Variants in KCNIP4 observed in about 807,000 individuals in gnomAD.
KCNIP4 encodes the protein Kv channel-interacting protein 4.
Under a neutral mutation model 34.0 loss-of-function variants are expected in KCNIP4, and 12 were observed. The ratio of observed to expected loss-of-function variants is 0.35; its 90% confidence interval spans 0.23 to 0.57. KCNIP4 has a LOEUF of 0.57. KCNIP4 is among the 20% of genes least tolerant of loss of function. The probability of loss-of-function intolerance (pLI) is 0.83; values close to 1 mark genes in which losing one functional copy is unlikely to be tolerated. For synonymous variants in KCNIP4, 124 were observed against 102.2 expected, an observed-to-expected ratio of 1.21 and a Z score of -1.29; for missense variants, 238 against 311.7, an observed-to-expected ratio of 0.76 and a Z score of 1.78.
At chr4:21,856,001 C>G (rs1724730268) in intron 1 of KCNIP4, among the ~76,000 whole-genome samples, 1 of 152,198 alleles carries the variant, frequency 6.6e-6, no homozygotes, top group South Asian at 2.1e-4. Context: ...ACAGTTCTAG[C>G]AGTTCTAGGC....
chr4:21,822,187 A>T (rs890100215), intron 1 of KCNIP4, among the ~76,000 whole-genome samples: 1 of 152,222 alleles, frequency 6.6e-6, no homozygotes, highest in Non-Finnish European at 1.5e-5. Flanking sequence ...GACATAAAAT[A>T]GAACAAATAA....
At chr4:21,010,202 A>C (rs2149730803) in intron 1 of KCNIP4, among the ~76,000 whole-genome samples, 1 of 152,346 alleles carries the variant, frequency 6.6e-6, no homozygotes, top group African/African-American at 2.4e-5. Context: ...ACAATGAAAA[A>C]GCACAAGGCG....
chr4:21,783,913 C>G (rs1047399380), intron 1 of KCNIP4, among the ~76,000 whole-genome samples: 2 of 151,952 alleles, frequency 1.3e-5, no homozygotes, highest in African/African-American at 2.4e-5. Flanking sequence ...CATTATTTGA[C>G]CAAAAATATT....
At chr4:21,075,701 T>C (rs899056919) in intron 1 of KCNIP4, among the ~76,000 whole-genome samples, 6 of 152,198 alleles carry the variant, frequency 3.9e-5, no homozygotes, top group African/African-American at 1.2e-4. Flanking sequence ...GCTGGTTGTT[T>C]TGCTCATTAG....
At chr4:20,905,660 T>G (rs35629327) in intron 1 of KCNIP4, among the ~76,000 whole-genome samples, 18,093 of 151,540 alleles carry the variant, frequency 0.12, 1,176 homozygotes, top group South Asian at 0.24. Context: ...TACAGACATG[T>G]GTCACAACGC....
chr4:20,912,314 TAG>T (rs1308658821), intron 1 of KCNIP4, among the ~76,000 whole-genome samples: 2 of 151,988 alleles, frequency 1.3e-5, no homozygotes, highest in Non-Finnish European at 2.9e-5. Flanking sequence ...CACAAAAAAT[TAG>T]AGATAAAAAA....
intron 1 of KCNIP4, among the ~76,000 whole-genome samples, chr4:21,505,781 T>G (rs1733798126): frequency 6.6e-6 from 1 of 152,146 alleles, no homozygotes; most frequent in East Asian, 1.9e-4. Flanking sequence ...CTTTTCTCAC[T>G]AAATCCATTT....
chr4:21,065,352 T>C (rs1744258455), intron 1 of KCNIP4, among the ~76,000 whole-genome samples: 2 of 152,082 alleles, frequency 1.3e-5, no homozygotes, highest in Admixed American at 6.6e-5. Context: ...AGAACCTAGA[T>C]GTTGGCAGAT....
At chr4:21,085,139 G>A (rs927047560) in intron 1 of KCNIP4, among the ~76,000 whole-genome samples, 9 of 152,026 alleles carry the variant, frequency 5.9e-5, no homozygotes, top group Non-Finnish European at 2.9e-5. Flanking sequence ...TGTGGAGGTG[G>A]GATCTTTGGG....
intron 1 of KCNIP4, among the ~76,000 whole-genome samples, chr4:21,236,020 C>G (rs748919301): frequency 3.3e-5 from 5 of 152,216 alleles, no homozygotes; most frequent in African/African-American, 1.2e-4. Context: ...CCTTGCTGGG[C>G]ACGGTGGCTC....
chr4:20,774,140 G>A lies in KCNIP4; in HGVS notation c.289-15250C>T, dbSNP rs374206556. Among the ~76,000 whole-genome samples the A allele has an allele frequency of 2.6e-5, 4 of 152,258 alleles. 1 individual carries two copies. The highest frequency in any genetic ancestry group is 1.9e-4 in the East Asian group (1 of 5,172). On this transcript the variant is annotated intron_variant, in intron 3 of 8. Coordinates refer to ENST00000382152, the MANE Select transcript of KCNIP4 (RefSeq NM_025221.6). Reference sequence around the variant, plus strand: ...ATGCACAATGTCTAGCGTCGTGCCTGGATGTATAAACACCCAGTACACATT... The same window carrying A: ...ATGCACAATGTCTAGCGTCGTGCCTAGATGTATAAACACCCAGTACACATT...
intron 1 of KCNIP4, among the ~76,000 whole-genome samples, chr4:21,393,576 T>C (rs1722734848): frequency 2.0e-5 from 3 of 152,180 alleles, no homozygotes; most frequent in Admixed American, 2.0e-4. Context: ...TGATATCCAT[T>C]AGCACCTTGG....
chr4:21,000,017 T>C (rs1391970837), intron 1 of KCNIP4, among the ~76,000 whole-genome samples: 1 of 152,178 alleles, frequency 6.6e-6, no homozygotes, highest in African/African-American at 2.4e-5. Context: ...TGAGAATATG[T>C]GCCATGTGAG....
chr4:21,935,304 A>T (rs1161907701), intron 1 of KCNIP4, among the ~76,000 whole-genome samples: 1 of 152,028 alleles, frequency 6.6e-6, no homozygotes, highest in African/African-American at 2.4e-5. Context: ...TTTACATCAG[A>T]CAAGAGGACT....
intron 1 of KCNIP4, among the ~76,000 whole-genome samples, chr4:21,010,464 C>A (rs1738971010): frequency 6.6e-6 from 1 of 152,118 alleles, no homozygotes; most frequent in African/African-American, 2.4e-5. Context: ...AAAATGCCTG[C>A]AGACTTTGTG....
At chr4:21,021,160 T>C (rs907046483) in intron 1 of KCNIP4, among the ~76,000 whole-genome samples, 1 of 152,224 alleles carries the variant, frequency 6.6e-6, no homozygotes, top group East Asian at 1.9e-4. Flanking sequence ...GACACAATTT[T>C]AAGTATTTGT....
At chr4:21,402,041 T>C (rs1723602368) in intron 1 of KCNIP4, among the ~76,000 whole-genome samples, 2 of 152,208 alleles carry the variant, frequency 1.3e-5, no homozygotes, top group African/African-American at 2.4e-5. Flanking sequence ...TCCTATTAAC[T>C]TGAATGAGGC....
rs867491967 is a variant in KCNIP4 at position 20,836,938 on chromosome 4, C to A, written c.288+13605G>T. 9.9e-5 allele frequency among the ~76,000 whole-genome samples: 15 copies of A among 151,850 alleles called. No homozygotes were observed. The South Asian group carries it at 2.9e-3, about 30-fold the overall frequency. On this transcript the variant is annotated intron_variant, in intron 3 of 8. Transcript: ENST00000382152. ...TAATTCTTTGCTTACTTATTAATTT[C>A]CCCTTCCTCCACCACACTCTAATGT...
At position 21,647,372 on chromosome 4, in the gene KCNIP4, A is replaced by C. The variant is rs114265547; in HGVS notation, c.61+301199T>G. On this transcript the variant is annotated intron_variant, in intron 1 of 8. Transcript: ENST00000382152. Reference sequence around the variant, plus strand: ...AATTTTAAACATTCTTTTTCATTCTATCTCTCTTATCCTGATCTCATATTA... The same window carrying C: ...AATTTTAAACATTCTTTTTCATTCTCTCTCTCTTATCCTGATCTCATATTA... Among the ~76,000 whole-genome samples, 999 of 152,166 alleles carry C rather than the reference A, an allele frequency of 6.6e-3. 11 individuals are homozygous for C. Among genetic ancestry groups the C allele is most frequent in the African/African-American group, 0.022 (926 of 41,526 alleles).
Sources: gnomAD v4.1 joint callset for allele counts (sites outside exome capture counted in the v4.1 genomes callset) on GRCh38, gnomAD v4.1.1 for gene constraint, MANE v1.5 for transcripts, NCBI Gene and HGNC (gene_info 2026-07-23, HGNC 2026-07-21) for gene names.